Variants in NCOA1 observed in about 807,000 individuals in gnomAD.
NCOA1 encodes the protein nuclear receptor coactivator 1, also known as Hin-2 protein.
In NCOA1, 35 loss-of-function variants were observed where a neutral mutation model predicts 150.9. The ratio of observed to expected loss-of-function variants is 0.23; its 90% CI spans 0.18 to 0.31. NCOA1 has a LOEUF of 0.31. Among genes scored for constraint, NCOA1 ranks in the 10% least tolerant of loss-of-function variants. NCOA1 has a pLI of 1.00. For synonymous variants in NCOA1, 590 were observed against 630.0 expected (o/e 0.94, Z 0.95); for missense variants, 1,491 against 1,749.3 (o/e 0.85, Z 2.63).
rs942666208 is a variant in NCOA1, at chr2:24,707,715, C to A, written c.2245C>A (p.Leu749Ile). The A allele has an allele frequency of 7.4e-6, 12 of 1,614,036 alleles. No individual in the cohort carries two copies. The highest frequency in any genetic ancestry group is 1.0e-5 in the Non-Finnish European group (12 of 1,180,012). Reference protein sequence around the residue: ...KKKESKDHQLLRYLLDKDEKD... With the variant: ...KKKESKDHQLIRYLLDKDEKD... The stretch of plus-strand genomic sequence containing the variant: ...AAAAGAATCAAAAGACCATCAGCTC[C>A]TACGCTATCTTTTAGATAAAGATGA... The change falls in exon 13 of 23, where the codon CTA becomes ATA. Residue 749 changes from leucine (L) to isoleucine (I), a missense_variant. Coordinates refer to ENST00000348332, the MANE Select transcript of NCOA1 (RefSeq NM_003743.5).
At chr2:24,504,831 A>G (rs1355895539) in intron 1 of NCOA1, among the ~76,000 whole-genome samples, 1 of 152,214 alleles carries the variant, frequency 6.6e-6, no homozygotes, top group African/African-American at 2.4e-5. Flanking sequence ...AAAGTGAGAG[A>G]GGGAGTAAAG....
intron 18 of NCOA1, among the ~76,000 whole-genome samples, chr2:24,740,793 C>G (rs1014273754): frequency 1.3e-5 from 2 of 152,174 alleles, no homozygotes; most frequent in Non-Finnish European, 2.9e-5. Context: ...TAATTCCTAT[C>G]AGAAAGTCTT....
intron 3 of NCOA1, among the ~76,000 whole-genome samples, chr2:24,602,721 T>C (rs1056868942): frequency 2.0e-5 from 3 of 152,170 alleles, no homozygotes; most frequent in Non-Finnish European, 4.4e-5. Flanking sequence ...AATCATTTTA[T>C]AAAAATTTGT....
intron 1 of NCOA1, among the ~76,000 whole-genome samples, chr2:24,513,312 A>G (rs1443140097): frequency 1.9e-4 from 29 of 152,164 alleles, no homozygotes; most frequent in Admixed American, 1.9e-3. Context: ...TTCTGAATAT[A>G]TTTGTTATCT....
At chr2:24,619,301 C>A (rs1179572958) in intron 3 of NCOA1, among the ~76,000 whole-genome samples, 1 of 152,140 alleles carries the variant, frequency 6.6e-6, no homozygotes, top group East Asian at 1.9e-4. Context: ...TTACATGAAA[C>A]TGAAAAAGAA....
At chr2:24,590,202 A>G (rs1252182498) in intron 3 of NCOA1, among the ~76,000 whole-genome samples, 7 of 152,220 alleles carry the variant, frequency 4.6e-5, no homozygotes, top group Non-Finnish European at 1.0e-4. Flanking sequence ...TTTACCAAAT[A>G]TATGGATGCT....
At chr2:24,718,006 C>T (rs1277230410) in intron 14 of NCOA1, among the ~76,000 whole-genome samples, 1 of 150,560 alleles carries the variant, frequency 6.6e-6, no homozygotes, top group African/African-American at 2.4e-5. Flanking sequence ...AAGCAATTCT[C>T]GTGCCTCAGC....
intron 3 of NCOA1, among the ~76,000 whole-genome samples, chr2:24,635,848 T>C (rs574618533): frequency 6.6e-5 from 10 of 152,096 alleles, no homozygotes; most frequent in Admixed American, 1.3e-4. Context: ...TTTCTTTGAG[T>C]TTTTGAAGTA....
intron 3 of NCOA1, among the ~76,000 whole-genome samples, chr2:24,629,809 C>CATATATATAT (rs1281547183): frequency 5.7e-4 from 55 of 97,334 alleles, no homozygotes; most frequent in Admixed American, 9.9e-4. Context: ...TTTTAAGTAA[C>CATATATATAT]ATACATACAT....
chr2:24,625,749 TTG>T (rs1209082801), intron 3 of NCOA1, among the ~76,000 whole-genome samples: 14 of 67,906 alleles, frequency 2.1e-4, no homozygotes, highest in African/African-American at 4.3e-4. Context: ...GTTTTCTGTT[TTG>T]TTTTTTTTTT....
chr2:24,528,863 TATCAACAGA>T (rs1230429907), intron 1 of NCOA1, among the ~76,000 whole-genome samples: 2 of 152,152 alleles, frequency 1.3e-5, no homozygotes. Flanking sequence ...AGCTTTGTGT[TATCAACAGA>T]TATGATGAAG....
At chr2:24,571,491 G>A (rs1666743342) in intron 2 of NCOA1, among the ~76,000 whole-genome samples, 1 of 152,108 alleles carries the variant, frequency 6.6e-6, no homozygotes, top group South Asian at 2.1e-4. Flanking sequence ...GAATGCCTGT[G>A]AAGTAGACAT....
intron 3 of NCOA1, among the ~76,000 whole-genome samples, chr2:24,621,432 ATTTTTTTTTTTTTTTT>A (rs1162282258): frequency 5.4e-4 from 21 of 38,896 alleles, no homozygotes; most frequent in South Asian, 3.5e-3. Flanking sequence ...ATTCAGGCAG[ATTTTTTTTTTTTTTTT>A]TTTTTTTTTT....
At chr2:24,642,037 T>TGTGTGTGTGCGCGCGC (rs942145000) in intron 3 of NCOA1, among the ~76,000 whole-genome samples, 2 of 138,452 alleles carry the variant, frequency 1.4e-5, no homozygotes, top group African/African-American at 2.6e-5. Context: ...TGTGTGTGTG[T>TGTGTGTGTGCGCGCGC]GCGCGCGTGC....
intron 1 of NCOA1, among the ~76,000 whole-genome samples, chr2:24,514,497 A>G (rs1664080194): frequency 6.6e-6 from 1 of 151,782 alleles, no homozygotes; most frequent in Admixed American, 6.6e-5. Context: ...GCATAGGATA[A>G]TCTGTAATAA....
At chr2:24,692,851 T>C (rs1672726290) in intron 9 of NCOA1, among the ~76,000 whole-genome samples, 1 of 152,204 alleles carries the variant, frequency 6.6e-6, no homozygotes, top group East Asian at 1.9e-4. Flanking sequence ...TGTCAGGTGC[T>C]GTAACACGTT....
At chr2:24,641,648 C>T (rs1338844425) in intron 3 of NCOA1, among the ~76,000 whole-genome samples, 2 of 152,110 alleles carry the variant, frequency 1.3e-5, no homozygotes, top group African/African-American at 2.4e-5. Context: ...GGGCTCCCCA[C>T]CCCCCTTCAG....
intron 1 of NCOA1, among the ~76,000 whole-genome samples, chr2:24,547,852 G>C (rs1360847481): frequency 6.6e-6 from 1 of 151,916 alleles, no homozygotes; most frequent in Admixed American, 6.6e-5. Flanking sequence ...AGCCAAGCCT[G>C]GTGGCGGGCA....
At chr2:24,739,641 G>T in intron 18 of NCOA1, 108 bp downstream of exon 18, 1 of 717,242 alleles carries the variant, frequency 1.4e-6, no homozygotes. Context: ...ATCTTTTAAT[G>T]ATGTTTGTAG....
Sources: gnomAD v4.1 joint callset for allele counts (sites outside exome capture counted in the v4.1 genomes callset) on GRCh38, gnomAD v4.1.1 for gene constraint, MANE v1.5 for transcripts, NCBI Gene and HGNC (gene_info 2026-07-23, HGNC 2026-07-21) for gene names.